The following AP4M1 variants were observed in gnomAD, a reference collection of about 807,000 sequenced individuals.
AP4M1 encodes the protein adaptor related protein complex 4 subunit mu 1.
Under a neutral mutation model 62.4 loss-of-function variants are expected in AP4M1, and 58 were observed. The observed-to-expected ratio is 0.93, with a 90% CI of 0.75 to 1.16. The LOEUF (loss-of-function observed/expected upper bound fraction) is 1.16, where lower values mean the gene tolerates loss of function less well. Among genes scored for constraint, AP4M1 ranks in the 50% most tolerant of loss-of-function variants. AP4M1 has a pLI of 0.00. For missense variants in AP4M1, 626 were observed against 585.4 expected, an observed-to-expected ratio of 1.07 and a Z score of -0.72; for synonymous variants, 290 against 239.7, an observed-to-expected ratio of 1.21 and a Z score of -1.94.
chr7:100,106,980 TG>T lies in AP4M1; in HGVS notation c.*101del. The T allele has an allele frequency of 7.1e-7, 1 of 1,405,642 alleles. No individual in the cohort carries two copies. The highest frequency in any genetic ancestry group is 9.7e-7 in the Non-Finnish European group (1 of 1,028,130). 87.1% of individuals were successfully genotyped at this position (1,405,642 alleles called of 1,614,324 possible). A position where few individuals can be genotyped will look rare whatever the true frequency, so the allele number is the denominator to read the frequency against. On this transcript the variant is annotated 3_prime_UTR_variant, in exon 15 of 15. Transcript: ENST00000359593. Reference sequence around the variant, plus strand: ...CCTCCTGGCCTTCGGACTCTGAATCTGGGCAGGAAGAGTCCTCAGTCCCAAG... The same window carrying T: ...CCTCCTGGCCTTCGGACTCTGAATCTGGCAGGAAGAGTCCTCAGTCCCAAG...
intron 2 of AP4M1, 91 bp downstream of exon 2, chr7:100,102,059 C>T (rs1796087395): frequency 7.1e-7 from 1 of 1,409,200 alleles, no homozygotes. Flanking sequence ...TTGGTAGATT[C>T]CACTTGGGGG....
At chr7:100,101,306 G>T (rs767634639), upstream of AP4M1, 14 of 1,613,166 alleles carry the variant, frequency 8.7e-6, 1 homozygote, top group South Asian at 1.5e-4. Flanking sequence ...GCTGCCGAGG[G>T]CCGTGCGGCC....
chr7:100,106,547 C>G (rs1300472989), intron 14 of AP4M1, 33 bp downstream of exon 14: 3 of 1,603,038 alleles, frequency 1.9e-6, no homozygotes, highest in Non-Finnish European at 2.6e-6. Context: ...CCCTCTCCTC[C>G]CACATTCACT....
chr7:100,102,539 C>T lies in AP4M1; in HGVS notation c.148-136C>T, dbSNP rs1359335534. 11 of 751,670 alleles carry T rather than the reference C, an allele frequency of 1.5e-5. 1 individual carries two copies. Among genetic ancestry groups the T allele is most frequent in the South Asian group, 5.9e-5 (4 of 67,970 alleles). The allele number at this position is 751,670 out of a possible 1,614,324, so 46.6% of individuals were successfully genotyped here. A position where few individuals can be genotyped will look rare whatever the true frequency, so the allele number is the denominator to read the frequency against. On this transcript the variant is annotated intron_variant, in intron 2 of 14. Coordinates refer to ENST00000359593, the MANE Select transcript of AP4M1 (RefSeq NM_004722.4). The stretch of plus-strand genomic sequence containing the variant: ...TCCACATTGGGAAGCTGGGCCCAGG[C>T]ATATGTCATGTATCTCCCAAAGGCA...
chr7:100,101,838 C>T (rs1381489672), intron 1 of AP4M1, 42 bp from the exon 2 acceptor site: 2 of 1,612,084 alleles, frequency 1.2e-6, no homozygotes, highest in Admixed American at 1.7e-5. Flanking sequence ...CCAGGGCCAG[C>T]CTGTGTCGCA....
At chr7:100,101,277 G>A (rs982516053), upstream of AP4M1, 1 of 1,613,268 alleles carries the variant, frequency 6.2e-7, no homozygotes, top group Non-Finnish European at 8.5e-7. Flanking sequence ...TCTCTAGCGC[G>A]TAGTCCTTCA....
chr7:100,104,962 C>T, intron 8 of AP4M1, 22 bp downstream of exon 8: 2 of 1,614,118 alleles, frequency 1.2e-6, no homozygotes, highest in Non-Finnish European at 8.5e-7. Flanking sequence ...GCAGGCAGGA[C>T]CAAGGGTTGG....
chr7:100,101,370 G>T, upstream of AP4M1: 2 of 1,592,726 alleles, frequency 1.3e-6, no homozygotes, highest in Non-Finnish European at 1.7e-6. Context: ...ATCTCCGCGC[G>T]GTGGACTGTG....
rs371718780 is a variant in AP4M1, at chr7:100,102,736, C to T, written c.209C>T (p.Thr70Ile). ...AGCGGCCTCTATTTGGTGGTCACAA[C>T]TTCAGAAAACGTTTCTCCCTTCAGC... ...RHSGLYLVVT[T>I]SENVSPFSLL... The change falls in exon 3 of 15, where the codon ACT (threonine) becomes ATT (isoleucine). Residue 70 changes from threonine to isoleucine, a missense_variant. Thr to Ile is a moderately conservative substitution (Grantham distance 89, BLOSUM62 -1). Transcript: ENST00000359593. 6.2e-7 allele frequency: 1 copy of T among 1,614,198 alleles called. No individual in the cohort carries two copies. The highest frequency in any genetic ancestry group is 2.2e-5 in the East Asian group (1 of 44,894).
chr7:100,101,386 C>T (rs540441965), upstream of AP4M1: 1,930 of 1,566,788 alleles, frequency 1.2e-3, 2 homozygotes, highest in Non-Finnish European at 1.6e-3. Flanking sequence ...CTGTGGCCGG[C>T]CAACCGAAAT....
chr7:100,107,544 T>A lies in AP4M1; in HGVS notation c.*662T>A. ...GGTGGAGACCAACTTGACGATGGGC[T>A]GCACGCTGGGGACGGTGGTGGTGAC... On this transcript the variant is annotated 3_prime_UTR_variant, in exon 15 of 15. Transcript: ENST00000359593. 1 of 1,613,960 alleles carries A rather than the reference T, an allele frequency of 6.2e-7. No individual in the cohort carries two copies. The highest frequency in any genetic ancestry group is 8.5e-7 in the Non-Finnish European group (1 of 1,179,972).
chr7:100,102,624 C>T (rs1321078345), intron 2 of AP4M1, 51 bp from the exon 3 acceptor site: 2 of 1,544,036 alleles, frequency 1.3e-6, no homozygotes. Flanking sequence ...GGGTTCTGAT[C>T]ACTCCACCTC....
At chr7:100,102,195 A>G (rs1796099129) in intron 2 of AP4M1, 1 of 638,368 alleles carries the variant, frequency 1.6e-6, no homozygotes, top group Non-Finnish European at 2.8e-6. Context: ...AGCCTGGCCA[A>G]CATGGTGAAA....
In AP4M1 at chr7:100,107,310, G is replaced by A; in HGVS notation, c.*428G>A. On this transcript the variant is annotated 3_prime_UTR_variant, in exon 15 of 15. Coordinates refer to ENST00000359593, the MANE Select transcript of AP4M1 (RefSeq NM_004722.4). ...GCCATTGGCTTTTGGAGTCCCTGGA[G>A]CTGGAGGGGGACTGTCCCCAGCCTC... is the stretch of plus-strand genomic sequence containing the variant. The A allele has an allele frequency of 6.5e-7, 1 of 1,530,866 alleles. No individual in the cohort carries two copies. Among genetic ancestry groups the A allele is most frequent in the Non-Finnish European group, 8.8e-7 (1 of 1,139,730 alleles). The allele number at this position is 1,530,866 out of a possible 1,614,324, so 94.8% of individuals were successfully genotyped here. A position where few individuals can be genotyped will look rare whatever the true frequency, so the allele number is the denominator to read the frequency against.
intron 2 of AP4M1, 182 bp from the exon 3 acceptor site, chr7:100,102,493 G>A: frequency 1.5e-6 from 1 of 658,208 alleles, no homozygotes; most frequent in Admixed American, 2.2e-5. Context: ...ACTCGGGGTA[G>A]TTAGTGTAAT....
rs775000651 is a variant in AP4M1 at position 100,104,921 on chromosome 7, C to T, written c.654C>T (p.Ser218=). 6 of 1,614,074 alleles carry T rather than the reference C, an allele frequency of 3.7e-6. No homozygotes were observed. The African/African-American group carries it at 8.0e-5, about 22-fold the overall frequency. Residue 218 remains serine (S), a synonymous_variant, in exon 8 of 15, where the codon AGC becomes AGT. Transcript: ENST00000359593. ...VDVQGEIRLK[S]FLPSGSEMRI... Reference sequence around the variant, plus strand: ...TGCAGGGAGAGATTCGGCTCAAGAGCTTCCTTCCTAGCGGCTCTGGTGAGG... The same window carrying T: ...TGCAGGGAGAGATTCGGCTCAAGAGTTTCCTTCCTAGCGGCTCTGGTGAGG...
At chr7:100,101,058 T>G, upstream of AP4M1, 5 of 707,538 alleles carry the variant, frequency 7.1e-6, no homozygotes, top group Non-Finnish European at 1.1e-5. Flanking sequence ...CCAGGTGGGA[T>G]TACTAGCTTT....
chr7:100,106,455 G>T lies in AP4M1; in HGVS notation c.1078G>T (p.Ala360Ser). Reference protein sequence around the residue: ...PEQKAELAEGALRWDLPRVQG... With the variant: ...PEQKAELAEGSLRWDLPRVQG... ...GCAGAAGGCTGAGCTGGCAGAGGGA[G>T]CCCTTCGCTGGGACCTGCCTCGGGT... The change falls in exon 14 of 15, where the codon GCC (alanine) becomes TCC (serine). Residue 360 changes from alanine (A) to serine (S), a missense_variant. Ala to Ser is a moderately conservative substitution (Grantham distance 99, BLOSUM62 1). Coordinates refer to ENST00000359593, the MANE Select transcript of AP4M1 (RefSeq NM_004722.4). 6.2e-7 allele frequency: 1 copy of T among 1,613,874 alleles called. No individual in the cohort carries two copies. Among genetic ancestry groups the T allele is most frequent in the Non-Finnish European group, 8.5e-7 (1 of 1,180,040 alleles).
rs773025495 is a variant in AP4M1 at position 100,108,127 on chromosome 7, C to T, written c.*1245C>T. On this transcript the variant is annotated 3_prime_UTR_variant, in exon 15 of 15. Coordinates refer to ENST00000359593, the MANE Select transcript of AP4M1 (RefSeq NM_004722.4). ...AGAGGGTCAGCGTGGGCCGGGGCTG[C>T]GGGGAGAAGAGGAAAGGGGGAAGTG... The T allele has an allele frequency of 1.1e-5, 18 of 1,590,618 alleles. No homozygotes were observed. The highest frequency in any genetic ancestry group is 7.3e-5 in the Admixed American group (4 of 54,934).
Sources: gnomAD v4.1 joint callset for allele counts on GRCh38, gnomAD v4.1.1 for gene constraint, MANE v1.5 for transcripts, NCBI Gene and HGNC (gene_info 2026-07-23, HGNC 2026-07-21) for gene names.